NEBL: variants seen among roughly 807,000 people sequenced by gnomAD.
NEBL encodes LIM and SH3 protein 2.
In NEBL, 122 loss-of-function variants were observed where a neutral mutation model predicts 140.2. The ratio of observed to expected loss-of-function variants is 0.87; its 90% CI spans 0.75 to 1.01. NEBL has a LOEUF of 1.01. Ranked by LOEUF, NEBL falls within the 50% of genes least tolerant of loss-of-function variation. The probability of loss-of-function intolerance (pLI) is 0.00; values close to 1 mark genes in which losing one functional copy is unlikely to be tolerated. For synonymous variants in NEBL, 436 were observed against 398.9 expected (o/e 1.09, Z -1.11); for missense variants, 1,365 against 1,231.3 (o/e 1.11, Z -1.62).
intron 2 of NEBL, among the ~76,000 whole-genome samples, chr10:21,078,958 T>C (rs781181954): frequency 7.2e-5 from 11 of 152,236 alleles, no homozygotes; most frequent in Non-Finnish European, 1.5e-4. Flanking sequence ...TCCTGCCCCA[T>C]GAAGAACTTC....
At chr10:20,803,485 T>C (rs976064847) in intron 26 of NEBL, among the ~76,000 whole-genome samples, 1 of 152,182 alleles carries the variant, frequency 6.6e-6, no homozygotes, top group Non-Finnish European at 1.5e-5. Flanking sequence ...AAATTTTAAC[T>C]ACATTTTGTT....
At chr10:21,143,580 C>T (rs180727298) in intron 2 of NEBL, among the ~76,000 whole-genome samples, 77 of 150,772 alleles carry the variant, frequency 5.1e-4, no homozygotes, top group African/African-American at 1.8e-3. Context: ...GAAAGGAGAA[C>T]ATAGACAAAT....
At chr10:20,806,333 C>T (rs894276735) in intron 26 of NEBL, among the ~76,000 whole-genome samples, 1 of 152,196 alleles carries the variant, frequency 6.6e-6, no homozygotes, top group Admixed American at 6.5e-5. Context: ...GATTTCCAAA[C>T]TGACCTCGGG....
chr10:20,986,754 T>C (rs1314802703), intron 3 of NEBL, among the ~76,000 whole-genome samples: 1 of 152,240 alleles, frequency 6.6e-6, no homozygotes, highest in Non-Finnish European at 1.5e-5. Flanking sequence ...GAGTATGAAT[T>C]TCTATGATAG....
intron 4 of NEBL, among the ~76,000 whole-genome samples, chr10:20,953,241 T>A (rs1201462270): frequency 6.6e-6 from 1 of 152,134 alleles, no homozygotes; most frequent in East Asian, 1.9e-4. Flanking sequence ...TCCAATTGGG[T>A]CTGTGTCCTT....
At position 20,799,085 on chromosome 10, in the gene NEBL, T is replaced by G. The variant is rs1006200568; in HGVS notation, c.2761+9425A>C. On this transcript the variant is annotated intron_variant, in intron 26 of 27. Transcript: ENST00000377122. ...TAGATGGTAAAATATAATCATATGA[T>G]AGCCTACACATTGGAATTTACATTA... Among the ~76,000 whole-genome samples, 11 of 152,244 alleles carry G rather than the reference T, an allele frequency of 7.2e-5. No individual in the cohort carries two copies. The East Asian group carries it at 2.1e-3, about 29-fold the overall frequency.
intron 2 of NEBL, among the ~76,000 whole-genome samples, chr10:21,143,312 G>T (rs957762352): frequency 6.6e-6 from 1 of 151,898 alleles, no homozygotes; most frequent in Non-Finnish European, 1.5e-5. Context: ...AGCTGGGCGT[G>T]GTGGTGGGTG....
chr10:21,047,055 A>G (rs1834552942), intron 2 of NEBL, among the ~76,000 whole-genome samples: 1 of 152,232 alleles, frequency 6.6e-6, no homozygotes, highest in Non-Finnish European at 1.5e-5. Context: ...TTTACAGAAT[A>G]AAATGTGATG....
intron 3 of NEBL, among the ~76,000 whole-genome samples, chr10:21,219,209 G>T (rs1006952595): frequency 2.0e-5 from 3 of 152,132 alleles, no homozygotes; most frequent in African/African-American, 7.2e-5. Flanking sequence ...TTTGGTTTAG[G>T]AATAAAGTGA....
chr10:20,793,077 T>C (rs777989036), intron 26 of NEBL, among the ~76,000 whole-genome samples: 1 of 152,190 alleles, frequency 6.6e-6, no homozygotes, highest in South Asian at 2.1e-4. Flanking sequence ...TTTCCTTCCC[T>C]GCAGGATACA....
At chr10:21,274,757 A>G (rs531356890) in intron 1 of NEBL, among the ~76,000 whole-genome samples, 2 of 152,270 alleles carry the variant, frequency 1.3e-5, no homozygotes, top group South Asian at 4.2e-4. Flanking sequence ...ACAGTATGCT[A>G]GAGAAAAGAA....
intron 2 of NEBL, among the ~76,000 whole-genome samples, chr10:21,099,044 G>T (rs1837344936): frequency 6.6e-6 from 1 of 152,166 alleles, no homozygotes. Flanking sequence ...AAGGCGGTAG[G>T]ATGGCATGAG....
At chr10:21,196,926 G>A (rs12247242) in intron 3 of NEBL, among the ~76,000 whole-genome samples, 2,094 of 152,238 alleles carry the variant, frequency 0.014, 43 homozygotes, top group African/African-American at 0.048. Flanking sequence ...GCTTTGCTGC[G>A]AAGGAAATGC....
intron 11 of NEBL, among the ~76,000 whole-genome samples, chr10:20,847,223 C>G (rs1001916820): frequency 1.3e-5 from 2 of 152,100 alleles, no homozygotes; most frequent in African/African-American, 4.8e-5. Flanking sequence ...CTTTATTTTT[C>G]TGGCCTTTAG....
intron 2 of NEBL, among the ~76,000 whole-genome samples, chr10:20,895,546 G>A (rs1847403758): frequency 6.6e-6 from 1 of 152,120 alleles, no homozygotes; most frequent in Non-Finnish European, 1.5e-5. Flanking sequence ...GCACACAATA[G>A]TCACTAAATC....
chr10:20,808,403 C>T, intron 26 of NEBL, 107 bp downstream of exon 26: 3 of 1,117,006 alleles, frequency 2.7e-6, no homozygotes, highest in Non-Finnish European at 1.3e-6. Flanking sequence ...TTCTCAAATA[C>T]AGCCAGGATA....
intron 9 of NEBL, 44 bp from the exon 10 acceptor site, chr10:20,852,693 G>T: frequency 1.4e-6 from 2 of 1,422,138 alleles, no homozygotes; most frequent in South Asian, 2.3e-5. Context: ...CAAAGAGACT[G>T]ATTAGAGCAA....
chr10:20,991,609 T>G (rs1435727222), intron 3 of NEBL, among the ~76,000 whole-genome samples: 1 of 152,154 alleles, frequency 6.6e-6, no homozygotes, highest in Non-Finnish European at 1.5e-5. Context: ...GTTTTTAATT[T>G]TTTTAATTTT....
At chr10:20,935,454 G>C (rs1297631664) in intron 4 of NEBL, among the ~76,000 whole-genome samples, 1 of 152,258 alleles carries the variant, frequency 6.6e-6, no homozygotes, top group Non-Finnish European at 1.5e-5. Context: ...TAACAGAACT[G>C]AGAACACCCC....
Sources: allele counts gnomAD v4.1 joint callset (sites outside exome capture counted in the v4.1 genomes callset), GRCh38; gene constraint gnomAD v4.1.1; transcripts MANE v1.5; gene names NCBI Gene and HGNC (gene_info 2026-07-23, HGNC 2026-07-21).